APMAP: variants seen among roughly 807,000 people sequenced by gnomAD.
APMAP encodes adipocyte plasma membrane associated protein.
Under a neutral mutation model 43.6 loss-of-function variants are expected in APMAP, and 33 were observed. That is an observed-to-expected ratio of 0.76 (90% CI 0.57 to 1.01). The LOEUF (loss-of-function observed/expected upper bound fraction) is 1.01. APMAP is among the 50% of genes least tolerant of loss of function. The pLI is 0.00. For synonymous variants in APMAP, 224 were observed against 216.7 expected, an observed-to-expected ratio of 1.03 and a Z score of -0.30; for missense variants, 498 against 540.7, an observed-to-expected ratio of 0.92 and a Z score of 0.78.
chr20:24,984,844 A>T (rs1238698029), intron 1 of APMAP, among the ~76,000 whole-genome samples: 1 of 152,238 alleles, frequency 6.6e-6, no homozygotes, highest in Non-Finnish European at 1.5e-5. Flanking sequence ...TAAACCTCAT[A>T]GGATCATTAC....
chr20:24,969,724 G>A, intron 6 of APMAP, 64 bp from the exon 7 acceptor site: 1 of 1,558,156 alleles, frequency 6.4e-7, no homozygotes, highest in South Asian at 1.2e-5. Context: ...TGGGCCTTCA[G>A]GGTATGGGCC....
At chr20:24,980,291 C>G (rs1349306715) in intron 2 of APMAP, among the ~76,000 whole-genome samples, 1 of 152,228 alleles carries the variant, frequency 6.6e-6, no homozygotes, top group African/African-American at 2.4e-5. Context: ...AGGAGCTAAG[C>G]GTTGGGGAAA....
At position 24,969,641 on chromosome 20, in the gene APMAP, C is replaced by T; in HGVS notation, c.733G>A (p.Val245Met). 6.2e-7 allele frequency: 1 copy of T among 1,613,564 alleles called. No individual in the cohort carries two copies. Among genetic ancestry groups the T allele is most frequent in the South Asian group, 1.1e-5 (1 of 91,052 alleles). ...DDGRLLEYDT[V>M]TREVKVLLDQ... The stretch of plus-strand genomic sequence containing the variant: ...AATAAAACTTTTACTTCCCTGGTCA[C>T]AGTATCATACTCCAGCAGGCTGTGG... The change falls in exon 7 of 9, where the codon GTG becomes ATG. Residue 245 changes from valine (V) to methionine (M), a missense_variant. Physicochemically the swap from Val to Met is conservative, Grantham distance 21. Coordinates refer to ENST00000217456, the MANE Select transcript of APMAP (RefSeq NM_020531.3).
At chr20:24,965,008 C>A (rs1047644683) in intron 8 of APMAP, among the ~76,000 whole-genome samples, 1 of 152,166 alleles carries the variant, frequency 6.6e-6, no homozygotes, top group Admixed American at 6.5e-5. Context: ...CTCTCTTCCC[C>A]CTAAGAGATC....
chr20:24,977,136 G>A (rs1249548511), intron 3 of APMAP, among the ~76,000 whole-genome samples: 1 of 152,236 alleles, frequency 6.6e-6, no homozygotes, highest in Non-Finnish European at 1.5e-5. Flanking sequence ...CCCATAGAAT[G>A]TATAAAACCA....
chr20:24,977,306 C>T (rs536396889), intron 3 of APMAP, among the ~76,000 whole-genome samples: 2 of 152,364 alleles, frequency 1.3e-5, no homozygotes, highest in Admixed American at 6.5e-5. Context: ...AAATGCAACA[C>T]CCAATCGTAA....
chr20:24,985,387 G>A (rs2088138884), intron 1 of APMAP, among the ~76,000 whole-genome samples: 1 of 152,202 alleles, frequency 6.6e-6, no homozygotes, highest in African/African-American at 2.4e-5. Context: ...ATTTTGGACA[G>A]CACCTCTGCA....
chr20:24,992,623 A>G lies in APMAP; in HGVS notation c.66T>C (p.Asp22=), dbSNP rs751512180. 4 of 1,571,500 alleles carry G rather than the reference A, an allele frequency of 2.5e-6. No homozygotes were observed. Among genetic ancestry groups the G allele is most frequent in the Non-Finnish European group, 3.4e-6 (4 of 1,159,424 alleles). The change falls in exon 1 of 9, where the codon GAT becomes GAC. Residue 22 remains aspartate, a synonymous_variant. Coordinates refer to ENST00000217456, the MANE Select transcript of APMAP (RefSeq NM_020531.3). ...PLRPQVVTDD[D]GQAPEAKDGS... ...CGTCCTTAGCCTCCGGGGCCTGGCCATCATCGTCTGTGACGACCTGCGGCC... is the reference window on the plus strand; with the variant it reads ...CGTCCTTAGCCTCCGGGGCCTGGCCGTCATCGTCTGTGACGACCTGCGGCC...
intron 8 of APMAP, among the ~76,000 whole-genome samples, chr20:24,967,500 G>A (rs1389483323): frequency 6.6e-6 from 1 of 152,166 alleles, no homozygotes; most frequent in Admixed American, 6.5e-5. Context: ...CATGTGCCAG[G>A]CACTGTTGCA....
Position 24,968,662 on chromosome 20 carries a change from C to G in APMAP, c.1041+230G>C, listed in dbSNP as rs1400295199. ...CTGACAGGCAGGCAGATGCCCAAAG[C>G]CACGATGGTGAGGGTGACAATAAAA... On this transcript the variant is annotated intron_variant, in intron 8 of 8. Coordinates refer to ENST00000217456, the MANE Select transcript of APMAP (RefSeq NM_020531.3). Among the ~76,000 whole-genome samples, 4 of 152,032 alleles carry G rather than the reference C, an allele frequency of 2.6e-5. No individual in the cohort carries two copies. In the South Asian group the frequency reaches 6.2e-4, roughly 24 times the overall value.
intron 1 of APMAP, among the ~76,000 whole-genome samples, chr20:24,992,254 G>C (rs1195979370): frequency 6.6e-6 from 1 of 152,194 alleles, no homozygotes; most frequent in Non-Finnish European, 1.5e-5. Flanking sequence ...GGGAGCGAGG[G>C]AAAGGCGAGG....
chr20:24,977,059 G>A (rs1348778237), intron 3 of APMAP, among the ~76,000 whole-genome samples: 1 of 152,220 alleles, frequency 6.6e-6, no homozygotes, highest in Non-Finnish European at 1.5e-5. Flanking sequence ...AGAGCAAAGA[G>A]GATTTTCAGG....
chr20:24,978,723 C>T, intron 3 of APMAP, 44 bp downstream of exon 3: 1 of 1,137,790 alleles, frequency 8.8e-7, no homozygotes, highest in Non-Finnish European at 1.3e-6. Context: ...CCTCAGACAA[C>T]AGACAGCCTG....
In APMAP at chr20:24,971,515, C is replaced by A. The variant is rs1273385768; in HGVS notation, c.483G>T (p.Gly161=). ...RPLGIRAGPN[G]TLFVADAYKG... is the part of the protein sequence containing the mutation. The stretch of plus-strand genomic sequence containing the variant: ...TGTATGCATCGGCCACAAAGAGAGT[C>A]CCATTGGGCCCTGCACGGATACCCA... Residue 161 remains glycine, a synonymous_variant, in exon 5 of 9, where the codon GGG becomes GGT. Transcript: ENST00000217456. The A allele has an allele frequency of 1.2e-6, 2 of 1,614,098 alleles. No homozygotes were observed. Among genetic ancestry groups the A allele is most frequent in the East Asian group, 2.2e-5 (1 of 44,904 alleles).
intron 1 of APMAP, among the ~76,000 whole-genome samples, chr20:24,992,348 G>A (rs780648132): frequency 1.6e-4 from 24 of 152,222 alleles, no homozygotes; most frequent in Admixed American, 1.4e-3. Flanking sequence ...CCGGAGAGCC[G>A]AGGACAACGC....
At chr20:24,977,292 G>A (rs904457422) in intron 3 of APMAP, among the ~76,000 whole-genome samples, 2 of 152,212 alleles carry the variant, frequency 1.3e-5, no homozygotes, top group African/African-American at 4.8e-5. Flanking sequence ...AAAAGTATTT[G>A]ACGAAATGCA....
At chr20:24,979,328 G>C (rs1195722469) in intron 2 of APMAP, among the ~76,000 whole-genome samples, 1 of 152,184 alleles carries the variant, frequency 6.6e-6, no homozygotes, top group South Asian at 2.1e-4. Context: ...AAGGAGCAAG[G>C]GGAGACCTTC....
chr20:24,992,544 TC>T, intron 1 of APMAP, 49 bp downstream of exon 1: 1 of 1,418,958 alleles, frequency 7.0e-7, no homozygotes, highest in Non-Finnish European at 9.4e-7. Flanking sequence ...AGGGTCGCCC[TC>T]CACTCCTAGC....
At chr20:24,970,398 T>C in intron 5 of APMAP, 27 bp from the exon 6 acceptor site, 2 of 1,591,852 alleles carry the variant, frequency 1.3e-6, no homozygotes, top group Non-Finnish European at 1.7e-6. Flanking sequence ...AAGAAAAAGA[T>C]TGACTTGAAC....
Sources: allele counts gnomAD v4.1 joint callset (sites outside exome capture counted in the v4.1 genomes callset), GRCh38; gene constraint gnomAD v4.1.1; transcripts MANE v1.5; gene names NCBI Gene and HGNC (gene_info 2026-07-23, HGNC 2026-07-21).